The following BAZ2B variants were observed in gnomAD, a reference collection of about 807,000 sequenced individuals.
BAZ2B encodes the protein bromodomain adjacent to zinc finger domain 2B.
BAZ2B carries 91 observed loss-of-function variants against 246.0 expected under a neutral mutation model. That is an observed-to-expected ratio of 0.37 (90% CI 0.31 to 0.44). The LOEUF (loss-of-function observed/expected upper bound fraction) is 0.44, where lower values mean the gene tolerates loss of function less well. Among genes scored for constraint, BAZ2B ranks in the 20% least tolerant of loss-of-function variants. BAZ2B has a pLI of 1.00. For missense variants in BAZ2B, 2,332 were observed against 2,533.7 expected, an observed-to-expected ratio of 0.92 and a Z score of 1.71; for synonymous variants, 855 against 860.0, an observed-to-expected ratio of 0.99 and a Z score of 0.10.
downstream of BAZ2B, among the ~76,000 whole-genome samples, chr2:159,317,664 T>A (rs1429423910): frequency 1.3e-5 from 2 of 152,200 alleles, no homozygotes; most frequent in Non-Finnish European, 2.9e-5. Context: ...AGGACTAAAA[T>A]GAGGAAGCTT....
rs117640209 is a variant in BAZ2B at position 159,486,500 on chromosome 2, C to G, written c.-2-7779G>C. Among the ~76,000 whole-genome samples, 5 of 151,658 alleles carry G rather than the reference C, an allele frequency of 3.3e-5. No individual in the cohort carries two copies. The East Asian group carries it at 9.7e-4, about 29-fold the overall frequency. ...CCTTTTAATAGGAAAGATGCAGAAC[C>G]ATATAACAGGAACAATATACCTCTT... is the stretch of plus-strand genomic sequence containing the variant. On this transcript the variant is annotated intron_variant, in intron 2 of 36. Coordinates refer to ENST00000392783, the MANE Select transcript of BAZ2B (RefSeq NM_013450.4).
intron 2 of BAZ2B, among the ~76,000 whole-genome samples, chr2:159,532,681 C>T (rs1297412690): frequency 6.6e-6 from 1 of 152,302 alleles, no homozygotes; most frequent in South Asian, 2.1e-4. Context: ...CACTAACTCA[C>T]CTGTAGTTAA....
chr2:159,556,658 C>T (rs927639912), intron 1 of BAZ2B, among the ~76,000 whole-genome samples: 11 of 152,018 alleles, frequency 7.2e-5, no homozygotes, highest in Admixed American at 2.0e-4. Context: ...GACAGTGTTT[C>T]GCTATGTTGG....
intron 2 of BAZ2B, among the ~76,000 whole-genome samples, chr2:159,527,134 C>T (rs930818590): frequency 2.6e-5 from 4 of 151,898 alleles, no homozygotes; most frequent in African/African-American, 9.7e-5. Context: ...GTCTTAAACT[C>T]CTGGGTTCAA....
Position 159,405,510 on chromosome 2 carries a change from C to T in BAZ2B, c.2678-396G>A, listed in dbSNP as rs892915172. 2.0e-5 allele frequency among the ~76,000 whole-genome samples: 3 copies of T among 152,018 alleles called. No homozygotes were observed. In the East Asian group the frequency reaches 5.8e-4, roughly 29 times the overall value. Reference sequence around the variant, plus strand: ...ACAGGTGTGAGCCACCACTCCCAGCCGAGGATATAATATTTAAGAAAATTG... The same window carrying T: ...ACAGGTGTGAGCCACCACTCCCAGCTGAGGATATAATATTTAAGAAAATTG... On this transcript the variant is annotated intron_variant, in intron 14 of 36. Coordinates refer to ENST00000392783, the MANE Select transcript of BAZ2B (RefSeq NM_013450.4).
intron 30 of BAZ2B, among the ~76,000 whole-genome samples, chr2:159,347,892 T>G (rs531580530): frequency 6.6e-6 from 1 of 152,254 alleles, no homozygotes; most frequent in East Asian, 1.9e-4. Flanking sequence ...TATAAATAGT[T>G]TGTTGAGTAA....
At chr2:159,612,572 T>C (rs1694931666) in intron 1 of BAZ2B, among the ~76,000 whole-genome samples, 2 of 152,114 alleles carry the variant, frequency 1.3e-5, no homozygotes, top group Admixed American at 6.5e-5. Context: ...AGTTCCAAAA[T>C]ATACTTTCAC....
chr2:159,702,013 C>A, the BAZ2B span, among the ~76,000 whole-genome samples: 1 of 152,174 alleles, frequency 6.6e-6, no homozygotes, highest in African/African-American at 2.4e-5. Flanking sequence ...TAGACATGAA[C>A]CACTGCGCCA....
At chr2:159,683,900 T>C in the BAZ2B span, among the ~76,000 whole-genome samples, 1 of 152,252 alleles carries the variant, frequency 6.6e-6, no homozygotes, top group Non-Finnish European at 1.5e-5. Context: ...TTTTGCTTTA[T>C]AAGGTAACAC....
chr2:159,699,689 CTTCT>C, the BAZ2B span, among the ~76,000 whole-genome samples: 3 of 152,192 alleles, frequency 2.0e-5, no homozygotes, highest in East Asian at 3.8e-4. Flanking sequence ...TTGCTTCTTA[CTTCT>C]TTCTACCCAT....
chr2:159,552,338 T>C (rs1292965727), intron 2 of BAZ2B, among the ~76,000 whole-genome samples: 1 of 152,110 alleles, frequency 6.6e-6, no homozygotes, highest in Non-Finnish European at 1.5e-5. Flanking sequence ...TGGCCACAAT[T>C]TGTAAGTAAG....
intron 13 of BAZ2B, among the ~76,000 whole-genome samples, chr2:159,414,200 G>A (rs1462836007): frequency 2.0e-5 from 3 of 152,100 alleles, no homozygotes; most frequent in African/African-American, 7.2e-5. Context: ...TTATTTGTGG[G>A]AGCCAAAAAT....
At chr2:159,620,162 G>T (rs746974705), upstream of BAZ2B, among the ~76,000 whole-genome samples, 7 of 152,166 alleles carry the variant, frequency 4.6e-5, no homozygotes, top group Non-Finnish European at 1.0e-4. Context: ...ACTACTATGG[G>T]TATTGTAGAT....
the BAZ2B span, among the ~76,000 whole-genome samples, chr2:159,644,895 A>C: frequency 1.3e-5 from 2 of 152,130 alleles, no homozygotes; most frequent in Non-Finnish European, 2.9e-5. Flanking sequence ...TTTTTCCTTA[A>C]TAATTCCTTT....
chr2:159,648,291 C>T, the BAZ2B span, among the ~76,000 whole-genome samples: 3 of 152,188 alleles, frequency 2.0e-5, no homozygotes, highest in Admixed American at 6.5e-5. Context: ...GCACATGCCA[C>T]CATGCCCAGC....
At chr2:159,384,973 T>C (rs2062456807) in intron 23 of BAZ2B, among the ~76,000 whole-genome samples, 182 bp downstream of exon 23, 1 of 152,130 alleles carries the variant, frequency 6.6e-6, no homozygotes, top group Admixed American at 6.6e-5. Context: ...TTCAATACAC[T>C]ACAAAGAAAT....
rs199801241 is a variant in BAZ2B, at chr2:159,542,636, CTAAAAA to C, written c.-3+13181_-3+13186del. Among the ~76,000 whole-genome samples, 4 of 151,458 alleles carry C rather than the reference CTAAAAA, an allele frequency of 2.6e-5. No homozygotes were observed. In the South Asian group the frequency reaches 6.3e-4, roughly 24 times the overall value. On this transcript the variant is annotated intron_variant, in intron 2 of 36. Transcript: ENST00000392783. ...CAGGCAAGAGAGTAAGATCCTGTCTCTAAAAATAAAAATAAAAATAAAGAAGTATGA... is the reference window on the plus strand; with the variant it reads ...CAGGCAAGAGAGTAAGATCCTGTCTCTAAAAATAAAAATAAAGAAGTATGA...
chr2:159,571,408 A>C (rs950632738), intron 1 of BAZ2B, among the ~76,000 whole-genome samples: 10 of 152,018 alleles, frequency 6.6e-5, no homozygotes, highest in African/African-American at 2.4e-4. Flanking sequence ...TTTGATCTTT[A>C]CCCCTAGTTA....
chr2:159,474,151 G>T (rs2078195477), intron 3 of BAZ2B, among the ~76,000 whole-genome samples: 1 of 152,194 alleles, frequency 6.6e-6, no homozygotes, highest in African/African-American at 2.4e-5. Context: ...AATATTGGAA[G>T]TGGGGTGTTT....
Sources: allele counts gnomAD v4.1 joint callset (sites outside exome capture counted in the v4.1 genomes callset), GRCh38; gene constraint gnomAD v4.1.1; transcripts MANE v1.5; gene names NCBI Gene and HGNC (gene_info 2026-07-23, HGNC 2026-07-21).